KLRB1: variants seen among roughly 807,000 people sequenced by gnomAD.
The protein encoded by KLRB1 is killer cell lectin-like receptor subfamily B member 1.
In KLRB1, 27 loss-of-function variants were observed where a neutral mutation model predicts 33.5. That is an observed-to-expected ratio of 0.81 (90% CI 0.59 to 1.11). KLRB1 has a LOEUF of 1.11. Ranked by LOEUF, KLRB1 falls within the 50% of genes most tolerant of loss-of-function variation. KLRB1 has a pLI of 0.00. For synonymous variants in KLRB1, 64 were observed against 88.9 expected (o/e 0.72, Z 1.58); for missense variants, 241 against 254.1 (o/e 0.95, Z 0.35).
chr12:9,604,963 T>C (rs1210347005), intron 1 of KLRB1, among the ~76,000 whole-genome samples: 1 of 152,146 alleles, frequency 6.6e-6, no homozygotes, highest in African/African-American at 2.4e-5. Context: ...ACATTAGGTA[T>C]TTCTCCTAGT....
intron 1 of KLRB1, among the ~76,000 whole-genome samples, chr12:9,605,365 A>C (rs142803500): frequency 1.1e-4 from 16 of 152,284 alleles, no homozygotes; most frequent in African/African-American, 3.9e-4. Flanking sequence ...TAGTGGGATC[A>C]CTGGGTCAAA....
At chr12:9,603,513 C>T (rs969744733) in intron 1 of KLRB1, among the ~76,000 whole-genome samples, 1 of 152,124 alleles carries the variant, frequency 6.6e-6, no homozygotes, top group Non-Finnish European at 1.5e-5. Flanking sequence ...CAACCTCCGC[C>T]TCCCAGGTTC....
chr12:9,606,754 ATATATATTTTTTTTTT>A (rs1864609092), intron 1 of KLRB1, among the ~76,000 whole-genome samples: 3 of 25,386 alleles, frequency 1.2e-4, no homozygotes, highest in Non-Finnish European at 1.5e-4. Context: ...ATATATATAT[ATATATATTTTTTTTTT>A]TTTTTTGAGA....
chr12:9,607,412 T>TCTTTCTTTCTTTCTTTCTTTCTTTCTTTC (rs1565444769), intron 1 of KLRB1, among the ~76,000 whole-genome samples: 3 of 145,288 alleles, frequency 2.1e-5, no homozygotes, highest in Non-Finnish European at 4.6e-5. Context: ...TTCTTTTCTT[T>TCTTTCTTTCTTTCTTTCTTTCTTTCTTTC]CTTTCTTTCT....
At chr12:9,607,353 TTCC>T (rs1565444611) in intron 1 of KLRB1, among the ~76,000 whole-genome samples, 19 of 90,004 alleles carry the variant, frequency 2.1e-4, no homozygotes, top group African/African-American at 6.7e-4. Context: ...TCTTTCTTTC[TTCC>T]TTTCTTTCTT....
At chr12:9,607,381 T>TTTCTTTCC (rs1864629305) in intron 1 of KLRB1, among the ~76,000 whole-genome samples, 3 of 107,046 alleles carry the variant, frequency 2.8e-5, no homozygotes, top group Non-Finnish European at 6.3e-5. Context: ...TCTTTCTTTC[T>TTTCTTTCC]TTCTTTCTTT....
intron 1 of KLRB1, among the ~76,000 whole-genome samples, chr12:9,604,018 GTT>G (rs57960439): frequency 7.0e-6 from 1 of 142,958 alleles, no homozygotes. Context: ...TCTAAAAGTT[GTT>G]TTTTTTTTTT....
At chr12:9,607,415 T>TTCTTTCTTTTCTTTTCTTTTCTTTTTG (rs1864633749) in intron 1 of KLRB1, among the ~76,000 whole-genome samples, 3 of 103,256 alleles carry the variant, frequency 2.9e-5, no homozygotes, top group African/African-American at 3.2e-5. Context: ...TTTTCTTTCT[T>TTCTTTCTTTTCTTTTCTTTTCTTTTTG]TCTTTCTTTC....
At chr12:9,604,317 A>T (rs1197587598) in intron 1 of KLRB1, among the ~76,000 whole-genome samples, 2 of 152,216 alleles carry the variant, frequency 1.3e-5, no homozygotes, top group Non-Finnish European at 2.9e-5. Context: ...ATGGCTTTTC[A>T]TCAGGCAAAT....
chr12:9,598,077 A>G lies in KLRB1; in HGVS notation c.499T>C (p.Trp167Arg). 1 of 1,577,196 alleles carries G rather than the reference A, an allele frequency of 6.3e-7. No homozygotes were observed. Among genetic ancestry groups the G allele is most frequent in the Non-Finnish European group, 8.6e-7 (1 of 1,158,772 alleles). ...GAATTTAAAAAAGAGCCGTTTATCC[A>G]CTTCCAGTTCTTTTCTGATAATGAA... ...NFSLSEKNWK[W>R]INGSFLNSND... The change falls in exon 5 of 6, where the codon TGG (tryptophan) becomes CGG (arginine). Residue 167 changes from tryptophan to arginine, a missense_variant. By Grantham distance (101) the Trp-to-Arg change is moderately radical (BLOSUM62 -3). Coordinates refer to ENST00000229402, the MANE Select transcript of KLRB1 (RefSeq NM_002258.3).
chr12:9,601,660 TAACTC>T, intron 1 of KLRB1, 61 bp from the exon 2 acceptor site: 1 of 1,163,662 alleles, frequency 8.6e-7, no homozygotes, highest in Non-Finnish European at 1.3e-6. Context: ...AAACCTTGGT[TAACTC>T]AGTGGAGTAC....
rs766778375 is a variant in KLRB1, at chr12:9,595,234, T to A, written c.*40A>T. Reference sequence around the variant, plus strand: ...GTATGTGCAGCTACAAGTACAGAGATCAGTAATGGGAAGCAAATAAATTGA... The same window carrying A: ...GTATGTGCAGCTACAAGTACAGAGAACAGTAATGGGAAGCAAATAAATTGA... On this transcript the variant is annotated 3_prime_UTR_variant, in exon 6 of 6. Coordinates refer to ENST00000229402, the MANE Select transcript of KLRB1 (RefSeq NM_002258.3). 6.3e-7 allele frequency: 1 copy of A among 1,583,406 alleles called. No homozygotes were observed. Among genetic ancestry groups the A allele is most frequent in the Admixed American group, 1.7e-5 (1 of 59,768 alleles).
At chr12:9,602,847 C>T (rs752185310) in intron 1 of KLRB1, among the ~76,000 whole-genome samples, 46 of 152,122 alleles carry the variant, frequency 3.0e-4, no homozygotes, top group African/African-American at 1.0e-3. Flanking sequence ...TGTTTCAGAA[C>T]GGCCATGAAG....
chr12:9,607,657 G>C, intron 1 of KLRB1, 98 bp downstream of exon 1: 1 of 812,834 alleles, frequency 1.2e-6, no homozygotes, highest in Non-Finnish European at 2.1e-6. Flanking sequence ...TAAAACTACT[G>C]CTCATCTTTA....
chr12:9,607,238 TCC>T (rs1417589105), intron 1 of KLRB1, among the ~76,000 whole-genome samples: 39 of 70,614 alleles, frequency 5.5e-4, no homozygotes, highest in Non-Finnish European at 9.6e-4. Context: ...CATCCTTCCT[TCC>T]TTCCTCCTTC....
In KLRB1 at chr12:9,607,366, T is replaced by TTCTTTCTTTCTC. The variant is rs1310274190; in HGVS notation, c.85+388_85+389insGAGAAAGAAAGA. ...TTTCTTTCTTTCTTCCTTTCTTTCT[T>TTCTTTCTTTCTC]TCTTTCTTTCTTTCTTTCTTTCTTT... On this transcript the variant is annotated intron_variant, in intron 1 of 5. Coordinates refer to ENST00000229402, the MANE Select transcript of KLRB1 (RefSeq NM_002258.3). Among the ~76,000 whole-genome samples the TTCTTTCTTTCTC allele has an allele frequency of 4.7e-3, 384 of 82,142 alleles. 9 individuals are homozygous for TTCTTTCTTTCTC. The highest frequency in any genetic ancestry group is 5.7e-3 in the Non-Finnish European group (208 of 36,400). The allele number at this position is 82,142 out of a possible 152,430, so 53.9% of individuals were successfully genotyped here.
At chr12:9,607,342 T>TTCTTTC (rs1555097772) in intron 1 of KLRB1, among the ~76,000 whole-genome samples, 1 of 57,666 alleles carries the variant, frequency 1.7e-5, no homozygotes, top group African/African-American at 5.0e-5. Flanking sequence ...TTTCCTTTCT[T>TTCTTTC]TCTTTCTTTC....
rs1055957966 is a variant in KLRB1 at position 9,598,562 on chromosome 12, G to A, written c.351C>T (p.Asn117=). Residue 117 remains asparagine (N), a synonymous_variant, in exon 4 of 6, where the codon AAC becomes AAT. Coordinates refer to ENST00000229402, the MANE Select transcript of KLRB1 (RefSeq NM_002258.3). ...LFSHTVNPWN[N]SLADCSTKES... is the part of the protein sequence containing the mutation. The stretch of plus-strand genomic sequence containing the variant: ...CTTTGGTGGAACAATCAGCTAGACT[G>A]TTATTCCAAGGGTTGACAGTGTGAG... 4 of 1,612,736 alleles carry A rather than the reference G, an allele frequency of 2.5e-6. No individual in the cohort carries two copies. Among genetic ancestry groups the A allele is most frequent in the Admixed American group, 3.3e-5 (2 of 59,956 alleles).
intron 1 of KLRB1, among the ~76,000 whole-genome samples, chr12:9,603,381 G>A (rs1341283960): frequency 6.6e-6 from 1 of 152,004 alleles, no homozygotes; most frequent in Non-Finnish European, 1.5e-5. Flanking sequence ...TTTGTCTAGT[G>A]GAGAAAGCTC....
Sources: gnomAD v4.1 joint callset for allele counts (sites outside exome capture counted in the v4.1 genomes callset) on GRCh38, gnomAD v4.1.1 for gene constraint, MANE v1.5 for transcripts, NCBI Gene and HGNC (gene_info 2026-07-23, HGNC 2026-07-21) for gene names.